The following PPHLN1 variants were observed in gnomAD, a reference collection of about 807,000 sequenced individuals.
The protein encoded by PPHLN1 is periphilin 1.
Under a neutral mutation model 51.3 loss-of-function variants are expected in PPHLN1, and 29 were observed. The ratio of observed to expected loss-of-function variants is 0.57; its 90% CI spans 0.42 to 0.77. PPHLN1 has a LOEUF of 0.77. PPHLN1 is among the 30% of genes least tolerant of loss of function. The pLI is 0.00. For synonymous variants in PPHLN1, 147 were observed against 147.8 expected (o/e 0.99, Z 0.04); for missense variants, 436 against 438.4 (o/e 0.99, Z 0.05).
rs577887859 is a variant in PPHLN1 at position 42,337,502 on chromosome 12, ACC to A, written c.72+1529_72+1530del. Among the ~76,000 whole-genome samples, 199 of 151,636 alleles carry A rather than the reference ACC, an allele frequency of 1.3e-3. 5 individuals are homozygous for A. The South Asian group carries it at 0.041, about 31-fold the overall frequency. On this transcript the variant is annotated intron_variant, in intron 2 of 9. Coordinates refer to ENST00000358314, the MANE Select transcript of PPHLN1 (RefSeq NM_201439.2). ...GTAGAGATGGGGTTTCACCATGTTGACCAGGCTGGTCTCGAACTCCTGACCTC... is the reference window on the plus strand; with the variant it reads ...GTAGAGATGGGGTTTCACCATGTTGAAGGCTGGTCTCGAACTCCTGACCTC...
At chr12:42,409,959 C>A (rs890749643) in intron 9 of PPHLN1, among the ~76,000 whole-genome samples, 2 of 152,026 alleles carry the variant, frequency 1.3e-5, no homozygotes, top group African/African-American at 4.8e-5. Context: ...AGTTTCAGAT[C>A]ATATGAAGTC....
chr12:42,353,561 T>G (rs2073671178), intron 3 of PPHLN1, among the ~76,000 whole-genome samples: 1 of 152,238 alleles, frequency 6.6e-6, no homozygotes, highest in Admixed American at 6.5e-5. Flanking sequence ...TATAGCTTTC[T>G]TAGTTTTCAC....
intron 9 of PPHLN1, among the ~76,000 whole-genome samples, chr12:42,438,993 T>C (rs1229814160): frequency 6.6e-6 from 1 of 152,236 alleles, no homozygotes; most frequent in Non-Finnish European, 1.5e-5. Context: ...GTCTGTAGCT[T>C]GTTTGTTCAT....
At position 42,374,972 on chromosome 12, in the gene PPHLN1, C is replaced by A. The variant is rs764149372; in HGVS notation, c.409C>A (p.Arg137=). 5.1e-5 allele frequency: 82 copies of A among 1,613,624 alleles called. No homozygotes were observed. Among genetic ancestry groups the A allele is most frequent in the Admixed American group, 8.3e-5 (5 of 59,966 alleles). Reference sequence around the variant, plus strand: ...TTTTTTCAGAGAATCACCTGTTGGCCGAAAGGATTCTCCACACAGCAGATC... The same window carrying A: ...TTTTTTCAGAGAATCACCTGTTGGCAGAAAGGATTCTCCACACAGCAGATC... ...NTFFRESPVG[R]KDSPHSRSGS... The change falls in exon 5 of 10, where the codon CGA becomes AGA. Residue 137 remains arginine (R), a synonymous_variant. Transcript: ENST00000358314.
At position 42,441,425 on chromosome 12, in the gene PPHLN1, A is replaced by T; in HGVS notation, c.1020A>T (p.Glu340Asp). 1 of 1,614,116 alleles carries T rather than the reference A, an allele frequency of 6.2e-7. No individual in the cohort carries two copies. Among genetic ancestry groups the T allele is most frequent in the South Asian group, 1.1e-5 (1 of 91,080 alleles). Reference sequence around the variant, plus strand: ...TTGCATTGAGGCAGAATTTACATGAAATAGGTGAGCGGTGTGTTGAAGAAC... The same window carrying T: ...TTGCATTGAGGCAGAATTTACATGATATAGGTGAGCGGTGTGTTGAAGAAC... Reference protein sequence around the residue: ...IQFALRQNLHEIGERCVEELK... With the variant: ...IQFALRQNLHDIGERCVEELK... Residue 340 changes from glutamate to aspartate, a missense_variant, in exon 10 of 10, where the codon GAA becomes GAT. Physicochemically the swap from Glu to Asp is conservative, Grantham distance 45. Transcript: ENST00000358314.
intron 1 of PPHLN1, among the ~76,000 whole-genome samples, chr12:42,329,306 C>T (rs1000966334): frequency 4.0e-5 from 6 of 151,886 alleles, no homozygotes; most frequent in South Asian, 4.2e-4. Context: ...GGGGTTTCAC[C>T]GTGTTAGCCA....
chr12:42,425,206 A>C (rs550688266), intron 9 of PPHLN1, among the ~76,000 whole-genome samples: 2 of 149,988 alleles, frequency 1.3e-5, no homozygotes, highest in Non-Finnish European at 3.0e-5. Flanking sequence ...CAGCCTCCCA[A>C]GTAGCTGGGA....
At chr12:42,396,634 A>G (rs1395681347) in intron 8 of PPHLN1, among the ~76,000 whole-genome samples, 12 of 77,180 alleles carry the variant, frequency 1.6e-4, no homozygotes, top group African/African-American at 3.6e-4. Flanking sequence ...AAAAAAAAAA[A>G]AAAAAAAAAA....
chr12:42,355,292 T>C lies in PPHLN1; in HGVS notation c.299+70T>C, dbSNP rs566611870. On this transcript the variant is annotated intron_variant, in intron 4 of 9. Transcript: ENST00000358314. ...CACTGTGATGTCTGCTTTGGAAATATAGACTCAAGGCACATAGATGAAATA... is the reference window on the plus strand; with the variant it reads ...CACTGTGATGTCTGCTTTGGAAATACAGACTCAAGGCACATAGATGAAATA... 81 of 1,303,488 alleles carry C rather than the reference T, an allele frequency of 6.2e-5. 1 individual carries two copies. In the South Asian group the frequency reaches 7.8e-4, roughly 13 times the overall value. 80.7% of individuals were successfully genotyped at this position (1,303,488 alleles called of 1,614,324 possible).
At chr12:42,445,722 A>C, downstream of PPHLN1, 1 of 365,866 alleles carries the variant, frequency 2.7e-6, no homozygotes. Context: ...CTTCACCCTT[A>C]AAAATATGCT....
At chr12:42,445,716 A>G (rs568844856), downstream of PPHLN1, 48 of 351,658 alleles carry the variant, frequency 1.4e-4, no homozygotes, top group Non-Finnish European at 2.2e-4. Flanking sequence ...TGCCCACTTC[A>G]CCCTTAAAAA....
chr12:42,375,910 A>G (rs11181470), intron 5 of PPHLN1, among the ~76,000 whole-genome samples: 30,223 of 152,116 alleles, frequency 0.2, 3,386 homozygotes, highest in African/African-American at 0.3. Flanking sequence ...CACTGTGTTA[A>G]TATTATACAA....
intron 5 of PPHLN1, among the ~76,000 whole-genome samples, chr12:42,378,722 G>A (rs962051769): frequency 6.6e-6 from 1 of 151,926 alleles, no homozygotes; most frequent in Non-Finnish European, 1.5e-5. Context: ...CCCATTTTGT[G>A]CTCACATACA....
intron 2 of PPHLN1, among the ~76,000 whole-genome samples, chr12:42,339,473 CCT>C (rs1444233090): frequency 9.9e-5 from 15 of 152,256 alleles, no homozygotes; most frequent in African/African-American, 3.6e-4. Flanking sequence ...AAAATTATCC[CCT>C]GTGCCTTCTG....
At chr12:42,446,205 G>A (rs1234793786), downstream of PPHLN1, 2 of 1,612,722 alleles carry the variant, frequency 1.2e-6, no homozygotes, top group Non-Finnish European at 1.7e-6. Context: ...GAGGCTGAGA[G>A]GATCCTGCTC....
chr12:42,338,204 C>T lies in PPHLN1; in HGVS notation c.72+2230C>T, dbSNP rs138093758. On this transcript the variant is annotated intron_variant, in intron 2 of 9. Coordinates refer to ENST00000358314, the MANE Select transcript of PPHLN1 (RefSeq NM_201439.2). The stretch of plus-strand genomic sequence containing the variant: ...GGCCTCTCAAAGTGCTGGGATTACA[C>T]GCGTCAGCCACCACTCCAGGCCCCA... 9.8e-3 allele frequency among the ~76,000 whole-genome samples: 1,487 copies of T among 152,242 alleles called. 74 individuals carry two copies. Among genetic ancestry groups the T allele is most frequent in the Admixed American group, 0.085 (1,293 of 15,282 alleles).
At position 42,372,776 on chromosome 12, in the gene PPHLN1, A is replaced by G. The variant is rs187665853; in HGVS notation, c.300-2087A>G. Among the ~76,000 whole-genome samples the G allele has an allele frequency of 5.9e-5, 9 of 152,304 alleles. No homozygotes were observed. In the East Asian group the frequency reaches 1.5e-3, roughly 26 times the overall value. ...CTAGTATCTTTAGTTGCTTACCTAG[A>G]TATTACACAAACATCTTAAATATAA... On this transcript the variant is annotated intron_variant, in intron 4 of 9. Coordinates refer to ENST00000358314, the MANE Select transcript of PPHLN1 (RefSeq NM_201439.2).
At chr12:42,445,391 C>A (rs927535401), downstream of PPHLN1, 1 of 444,366 alleles carries the variant, frequency 2.3e-6, no homozygotes, top group Non-Finnish European at 4.1e-6. Context: ...CAGGTGTTAA[C>A]CCTAGAGGAC....
At chr12:42,354,923 CTTGT>C (rs2073859684) in intron 3 of PPHLN1, among the ~76,000 whole-genome samples, 1 of 152,156 alleles carries the variant, frequency 6.6e-6, no homozygotes, top group Admixed American at 6.5e-5. Flanking sequence ...TGGCAATTAG[CTTGT>C]TTGAGTCTAC....
Sources: allele counts gnomAD v4.1 joint callset (sites outside exome capture counted in the v4.1 genomes callset), GRCh38; gene constraint gnomAD v4.1.1; transcripts MANE v1.5; gene names NCBI Gene and HGNC (gene_info 2026-07-23, HGNC 2026-07-21).